Variants in ANKRD10 observed in about 807,000 individuals in gnomAD.
The protein encoded by ANKRD10 is ankyrin repeat domain-containing protein 10.
ANKRD10 carries 14 observed loss-of-function variants against 27.0 expected under a neutral mutation model. The observed-to-expected ratio is 0.52, with a 90% CI of 0.34 to 0.81. ANKRD10 has a LOEUF of 0.81. ANKRD10 is among the 40% of genes least tolerant of loss of function. The pLI, the probability that ANKRD10 is intolerant of heterozygous loss-of-function variation, is 0.01. For synonymous variants in ANKRD10, 250 were observed against 224.5 expected (o/e 1.11, Z -1.01); for missense variants, 493 against 544.0 (o/e 0.91, Z 0.93).
intron 4 of ANKRD10, among the ~76,000 whole-genome samples, chr13:110,891,389 A>C (rs2065068640): frequency 6.6e-6 from 1 of 152,230 alleles, no homozygotes; most frequent in Non-Finnish European, 1.5e-5. Context: ...GACCATTTTG[A>C]ATTTTATGCA....
At chr13:110,909,472 A>G (rs899482562) in intron 2 of ANKRD10, among the ~76,000 whole-genome samples, 2 of 152,220 alleles carry the variant, frequency 1.3e-5, no homozygotes, top group African/African-American at 4.8e-5. Flanking sequence ...AGAAATATAC[A>G]TTATGTAAAG....
chr13:110,897,779 T>C (rs34852916), intron 3 of ANKRD10, among the ~76,000 whole-genome samples: 6,124 of 152,274 alleles, frequency 0.04, 255 homozygotes, highest in South Asian at 0.2. Context: ...TCCATACTCT[T>C]CTCCATAACG....
chr13:110,893,987 TAATAGTACTAAA>T (rs2065151379), intron 3 of ANKRD10: 3 of 679,890 alleles, frequency 4.4e-6, no homozygotes, highest in Non-Finnish European at 7.4e-6. Context: ...TTTACCTGGC[TAATAGTACTAAA>T]AAGGAAAGGT....
chr13:110,881,166 C>CT (rs2064809722), intron 5 of ANKRD10, among the ~76,000 whole-genome samples: 1 of 152,238 alleles, frequency 6.6e-6, no homozygotes, highest in Admixed American at 6.5e-5. Flanking sequence ...AAAATTATCT[C>CT]TAACTCGGTA....
In ANKRD10 at chr13:110,879,037, C is replaced by T. The variant is rs1435724122; in HGVS notation, c.*600G>A. The T allele has an allele frequency of 6.5e-6, 1 of 153,474 alleles. No individual in the cohort carries two copies. The highest frequency in any genetic ancestry group is 1.5e-5 in the Non-Finnish European group (1 of 68,900). 9.5% of individuals were successfully genotyped at this position (153,474 alleles called of 1,614,324 possible). A position where few individuals can be genotyped will look rare whatever the true frequency, so the allele number is the denominator to read the frequency against. ...GGCTGGGCCTGTTTTCCATGAAGCC[C>T]AAGGCAGTGATCTTCATCATTAAGG... On this transcript the variant is annotated 3_prime_UTR_variant, in exon 6 of 6. Transcript: ENST00000267339.
intron 2 of ANKRD10, among the ~76,000 whole-genome samples, chr13:110,908,094 G>C (rs892074328): frequency 6.6e-6 from 1 of 152,130 alleles, no homozygotes; most frequent in African/African-American, 2.4e-5. Flanking sequence ...CCAGGTGAAG[G>C]TGCCCGGGCC....
At chr13:110,906,606 G>A (rs376226781) in intron 2 of ANKRD10, among the ~76,000 whole-genome samples, 77 of 152,256 alleles carry the variant, frequency 5.1e-4, no homozygotes, top group African/African-American at 1.8e-3. Context: ...TGCCGATCTT[G>A]AATCTTCTGC....
chr13:110,891,849 C>A (rs917103729), intron 4 of ANKRD10, among the ~76,000 whole-genome samples: 1 of 147,974 alleles, frequency 6.8e-6, no homozygotes, highest in Non-Finnish European at 1.5e-5. Context: ...GCCAAGCTAT[C>A]ACATTTACCT....
chr13:110,892,699 A>C, intron 4 of ANKRD10: 1 of 998,190 alleles, frequency 1.0e-6, no homozygotes, highest in Non-Finnish European at 1.2e-6. Flanking sequence ...AAATTCAGGC[A>C]CAGTGGCAGA....
At chr13:110,881,161 T>C (rs1373884981) in intron 5 of ANKRD10, among the ~76,000 whole-genome samples, 3 of 152,226 alleles carry the variant, frequency 2.0e-5, no homozygotes, top group Admixed American at 2.0e-4. Context: ...GATCTAAAAT[T>C]ATCTCTAACT....
At chr13:110,890,447 C>CA (rs1594563095) in intron 4 of ANKRD10, among the ~76,000 whole-genome samples, 1 of 152,126 alleles carries the variant, frequency 6.6e-6, no homozygotes, top group African/African-American at 2.4e-5. Flanking sequence ...CACACAGACA[C>CA]AAAAAAATAT....
intron 4 of ANKRD10, among the ~76,000 whole-genome samples, chr13:110,892,035 T>TA (rs1464066823): frequency 1.4e-4 from 21 of 151,376 alleles, no homozygotes; most frequent in Non-Finnish European, 4.4e-5. Flanking sequence ...TATATAGATA[T>TA]AGATGATTTT....
chr13:110,902,097 A>G (rs919342275), intron 3 of ANKRD10, among the ~76,000 whole-genome samples: 2 of 150,624 alleles, frequency 1.3e-5, no homozygotes, highest in Non-Finnish European at 3.0e-5. Context: ...GGATGTGAGG[A>G]TGACTAGAAT....
chr13:110,884,974 A>G (rs1390075121), intron 4 of ANKRD10, among the ~76,000 whole-genome samples: 3 of 152,100 alleles, frequency 2.0e-5, no homozygotes, highest in Non-Finnish European at 4.4e-5. Context: ...GTACAGAATG[A>G]GAAACCCGAT....
intron 4 of ANKRD10, among the ~76,000 whole-genome samples, chr13:110,889,521 C>CA (rs1364571910): frequency 1.3e-5 from 2 of 152,138 alleles, no homozygotes; most frequent in Non-Finnish European, 2.9e-5. Flanking sequence ...CCTTCCAAGA[C>CA]AGTTAATATT....
In ANKRD10 at chr13:110,911,317, T is replaced by C. The variant is rs371956122; in HGVS notation, c.211-547A>G. 4.6e-5 allele frequency among the ~76,000 whole-genome samples: 7 copies of C among 151,478 alleles called. No homozygotes were observed. The East Asian group carries it at 7.8e-4, about 17-fold the overall frequency. ...ATACAAAAAAATTAGCCGGGCGTGGTGGCGGGCACCTGTAATCCCAGCTAC... is the reference window on the plus strand; with the variant it reads ...ATACAAAAAAATTAGCCGGGCGTGGCGGCGGGCACCTGTAATCCCAGCTAC... On this transcript the variant is annotated intron_variant, in intron 1 of 5. Coordinates refer to ENST00000267339, the MANE Select transcript of ANKRD10 (RefSeq NM_017664.4).
chr13:110,902,211 G>C (rs142049628), intron 3 of ANKRD10, among the ~76,000 whole-genome samples: 12 of 152,118 alleles, frequency 7.9e-5, no homozygotes, highest in African/African-American at 2.9e-4. Flanking sequence ...CAAATATAAA[G>C]AAACCACGAA....
intron 4 of ANKRD10, among the ~76,000 whole-genome samples, chr13:110,885,421 G>T (rs1488033916): frequency 6.6e-6 from 1 of 152,094 alleles, no homozygotes; most frequent in African/African-American, 2.4e-5. Flanking sequence ...GGTGGCGAGT[G>T]CCTGTAGTCC....
At chr13:110,911,452 A>AAACACC (rs2065705141) in intron 1 of ANKRD10, among the ~76,000 whole-genome samples, 1 of 147,930 alleles carries the variant, frequency 6.8e-6, no homozygotes. Context: ...TCTCCATCTC[A>AAACACC]AACACCAACA....
Sources: gnomAD v4.1 joint callset for allele counts (sites outside exome capture counted in the v4.1 genomes callset) on GRCh38, gnomAD v4.1.1 for gene constraint, MANE v1.5 for transcripts, NCBI Gene and HGNC (gene_info 2026-07-23, HGNC 2026-07-21) for gene names.